Variants in SOCS7 observed in about 807,000 individuals in gnomAD.
The protein encoded by SOCS7 is suppressor of cytokine signaling 7.
SOCS7 carries 18 observed loss-of-function variants against 58.9 expected under a neutral mutation model. The ratio of observed to expected loss-of-function variants is 0.31; its 90% CI spans 0.21 to 0.45. The LOEUF (loss-of-function observed/expected upper bound fraction) is 0.45. SOCS7 is among the 20% of genes least tolerant of loss of function. SOCS7 has a pLI of 1.00. For missense variants in SOCS7, 667 were observed against 837.3 expected, an observed-to-expected ratio of 0.80 and a Z score of 2.51; for synonymous variants, 388 against 364.3, an observed-to-expected ratio of 1.06 and a Z score of -0.74.
At chr17:38,377,461 C>T (rs919018543) in intron 6 of SOCS7, among the ~76,000 whole-genome samples, 8 of 152,128 alleles carry the variant, frequency 5.3e-5, no homozygotes, top group African/African-American at 7.2e-5. Context: ...TCAAGCATTT[C>T]GGATAAGGAG....
At chr17:38,380,062 C>G (rs1022690783) in intron 7 of SOCS7, among the ~76,000 whole-genome samples, 4 of 152,092 alleles carry the variant, frequency 2.6e-5, no homozygotes, top group African/African-American at 9.7e-5. Context: ...AAAGAAGATT[C>G]TGGACTCTGG....
At chr17:38,361,652 T>C in intron 1 of SOCS7, 59 bp from the exon 2 acceptor site, 1 of 1,330,004 alleles carries the variant, frequency 7.5e-7, no homozygotes, top group Non-Finnish European at 1.1e-6. Flanking sequence ...TTGTGGTGAC[T>C]TAAATGCATA....
chr17:38,400,634 C>T lies in SOCS7; in HGVS notation c.*1152C>T, dbSNP rs577188101. The T allele has an allele frequency of 6.6e-6, 1 of 152,260 alleles. No homozygotes were observed. The highest frequency in any genetic ancestry group is 2.1e-4 in the South Asian group (1 of 4,820). The allele number at this position is 152,260 out of a possible 1,614,324, so 9.4% of individuals were successfully genotyped here. A position where few individuals can be genotyped will look rare whatever the true frequency, so the allele number is the denominator to read the frequency against. ...GTTTTTAGGTTTATCACTGCCATCC[C>T]ACTTCTGGGATGGGAGGTAGCAAGG... is the stretch of plus-strand genomic sequence containing the variant. On this transcript the variant is annotated 3_prime_UTR_variant, in exon 10 of 10. Transcript: ENST00000612932.
Position 38,380,643 on chromosome 17 carries a change from A to T in SOCS7, c.1681+2801A>T, listed in dbSNP as rs866643155. ...AAGACTCTGTCTCAAAAAAAAAAAAATAATAATAATAATGATAATGATGTG... is the reference window on the plus strand; with the variant it reads ...AAGACTCTGTCTCAAAAAAAAAAAATTAATAATAATAATGATAATGATGTG... On this transcript the variant is annotated intron_variant, in intron 7 of 9. Transcript: ENST00000612932. Among the ~76,000 whole-genome samples, 479 of 148,964 alleles carry T rather than the reference A, an allele frequency of 3.2e-3. 8 individuals carry two copies. Among genetic ancestry groups the T allele is most frequent in the African/African-American group, 0.011 (448 of 39,754 alleles).
chr17:38,366,490 AT>A, intron 5 of SOCS7, 73 bp downstream of exon 5: 1 of 1,546,804 alleles, frequency 6.5e-7, no homozygotes, highest in East Asian at 2.3e-5. Flanking sequence ...ACACACCTTT[AT>A]TTATGTGTTT....
intron 1 of SOCS7, among the ~76,000 whole-genome samples, chr17:38,358,532 C>T (rs1215297284): frequency 9.2e-5 from 14 of 151,916 alleles, no homozygotes; most frequent in Admixed American, 9.2e-4. Context: ...TACCCCTCCC[C>T]CAGGTAACCA....
intron 6 of SOCS7, among the ~76,000 whole-genome samples, chr17:38,374,349 G>A (rs2037905045): frequency 6.6e-6 from 1 of 152,260 alleles, no homozygotes; most frequent in South Asian, 2.1e-4. Context: ...ACCAGCCTGG[G>A]CAACGTGGTG....
chr17:38,359,671 G>A (rs2037688589), intron 1 of SOCS7, among the ~76,000 whole-genome samples: 1 of 151,768 alleles, frequency 6.6e-6, no homozygotes, highest in South Asian at 2.1e-4. Flanking sequence ...TGGAAGGTGA[G>A]CCAGCTATAA....
In SOCS7 at chr17:38,366,373, C is replaced by A; in HGVS notation, c.1339C>A (p.Pro447Thr). 2 of 1,614,240 alleles carry A rather than the reference C, an allele frequency of 1.2e-6. No homozygotes were observed. The highest frequency in any genetic ancestry group is 1.3e-5 in the African/African-American group (1 of 75,070). ...PQHLQCPLYRPDSSSFAASLR... is the reference protein window; with the variant it reads ...PQHLQCPLYRTDSSSFAASLR... ...GCACCTCCAGTGTCCCCTCTACCGG[C>A]CTGACTCGAGCAGCTTTGCAGCCAG... Residue 447 changes from proline to threonine, a missense_variant, in exon 5 of 10, where the codon CCT (proline) becomes ACT (threonine). Around this residue, in one of 9 missense-constraint regions of SOCS7, gnomAD observed 99 missense variants for 122.9 expected, o/e 0.81. Transcript: ENST00000612932.
intron 6 of SOCS7, among the ~76,000 whole-genome samples, chr17:38,369,173 G>C (rs1238514700): frequency 6.6e-6 from 1 of 152,190 alleles, no homozygotes; most frequent in African/African-American, 2.4e-5. Flanking sequence ...TCAGGGACTT[G>C]CTTCCCATCC....
At chr17:38,355,367 A>G (rs1165614096) in intron 1 of SOCS7, among the ~76,000 whole-genome samples, 1 of 152,088 alleles carries the variant, frequency 6.6e-6, no homozygotes, top group East Asian at 1.9e-4. Flanking sequence ...GAGCTGGTAA[A>G]TTTTTTAATG....
At chr17:38,377,903 A>G (rs1467058539) in intron 7 of SOCS7, 61 bp downstream of exon 7, 3 of 1,521,866 alleles carry the variant, frequency 2.0e-6, no homozygotes, top group African/African-American at 1.4e-5. Context: ...TTTAGTGTCA[A>G]AAAACACCAT....
intron 1 of SOCS7, among the ~76,000 whole-genome samples, chr17:38,354,533 C>A (rs1271621991): frequency 1.3e-5 from 2 of 152,188 alleles, no homozygotes; most frequent in Admixed American, 6.5e-5. Flanking sequence ...TCCAAACTTT[C>A]TAAAGAAATC....
intron 6 of SOCS7, among the ~76,000 whole-genome samples, chr17:38,370,920 A>T (rs577040674): frequency 6.6e-6 from 1 of 152,270 alleles, no homozygotes; most frequent in East Asian, 1.9e-4. Context: ...AAGTGTTGGG[A>T]TTACAAGCAT....
Position 38,405,412 on chromosome 17 carries a change from C to T in SOCS7, c.*5930C>T, listed in dbSNP as rs531342532. ...GGCATGTTTGACTCTCGTAAAGGGA[C>T]GTTAGTAGCTGCTGCAGGTCCTGTT... On this transcript the variant is annotated 3_prime_UTR_variant, in exon 10 of 10. Transcript: ENST00000612932. The T allele has an allele frequency of 1.1e-4, 16 of 152,044 alleles. No individual in the cohort carries two copies. In the East Asian group the frequency reaches 2.5e-3, roughly 24 times the overall value. The allele number at this position is 152,044 out of a possible 1,614,324, so 9.4% of individuals were successfully genotyped here. A position where few individuals can be genotyped will look rare whatever the true frequency, so the allele number is the denominator to read the frequency against.
In SOCS7 at chr17:38,393,659, G is replaced by T. The variant is rs1398071807; in HGVS notation, c.1682-1650G>T. ...TCTTAAAAAAACAAACAAACACTTT[G>T]GGAGGCTGAGGTGGGCGGATCACAA... On this transcript the variant is annotated intron_variant, in intron 7 of 9. Coordinates refer to ENST00000612932, the MANE Select transcript of SOCS7 (RefSeq NM_014598.4). Among the ~76,000 whole-genome samples, 7 of 139,982 alleles carry T rather than the reference G, an allele frequency of 5.0e-5. No homozygotes were observed. The East Asian group carries it at 1.5e-3, about 30-fold the overall frequency. The allele number at this position is 139,982 out of a possible 152,430, so 91.8% of individuals were successfully genotyped here.
At position 38,400,233 on chromosome 17, in the gene SOCS7, C is replaced by T. The variant is rs1314880485; in HGVS notation, c.*751C>T. ...TACTTAATTCCTTAAGTTCCATGAC[C>T]TGAAGTTAACCCCGTTCTTCCTCTG... On this transcript the variant is annotated 3_prime_UTR_variant, in exon 10 of 10. Coordinates refer to ENST00000612932, the MANE Select transcript of SOCS7 (RefSeq NM_014598.4). 6.6e-6 allele frequency: 1 copy of T among 152,134 alleles called. No individual in the cohort carries two copies. The highest frequency in any genetic ancestry group is 2.4e-5 in the African/African-American group (1 of 41,422). 9.4% of individuals were successfully genotyped at this position (152,134 alleles called of 1,614,324 possible).
intron 6 of SOCS7, among the ~76,000 whole-genome samples, chr17:38,369,954 T>C (rs1460209155): frequency 1.3e-5 from 2 of 152,130 alleles, no homozygotes; most frequent in Non-Finnish European, 2.9e-5. Flanking sequence ...TATGCCCAGC[T>C]AATTTTTTTT....
chr17:38,366,833 C>T (rs2037796465), intron 5 of SOCS7, among the ~76,000 whole-genome samples: 1 of 152,168 alleles, frequency 6.6e-6, no homozygotes, highest in African/African-American at 2.4e-5. Flanking sequence ...AGTTTACTTG[C>T]TTCCATATTT....
Sources: allele counts gnomAD v4.1 joint callset (sites outside exome capture counted in the v4.1 genomes callset), GRCh38; gene constraint gnomAD v4.1.1; regional missense constraint gnomAD v4.1.1; transcripts MANE v1.5; gene names NCBI Gene and HGNC (gene_info 2026-07-23, HGNC 2026-07-21).